Variants in EDA observed in about 807,000 individuals in gnomAD.
The protein encoded by EDA is ectodysplasin A, also known as ectodysplasin-A.
A neutral mutation model predicts 23.6 loss-of-function variants in EDA; 2 were observed. That is an observed-to-expected ratio of 0.08 (90% CI 0.03 to 0.27). The LOEUF (loss-of-function observed/expected upper bound fraction) is 0.27, where lower values mean the gene tolerates loss of function less well. EDA is among the 10% of genes least tolerant of loss of function. The pLI is 1.00. For missense variants in EDA, 229 were observed against 324.2 expected, an observed-to-expected ratio of 0.71 and a Z score of 2.26; for synonymous variants, 131 against 132.0, an observed-to-expected ratio of 0.99 and a Z score of 0.05.
rs754360005 is a variant in EDA at position 69,623,668 on chromosome X, CTT to C, written c.396+6976_396+6977del. On this transcript the variant is annotated intron_variant, in intron 1 of 7. Transcript: ENST00000374552. ...TCATTCTAGGTATTTTCTTTTTTTTCTTTTTTTTTTTTTGAGACAGTTGCATC... is the reference window on the plus strand; with the variant it reads ...TCATTCTAGGTATTTTCTTTTTTTTCTTTTTTTTTTTGAGACAGTTGCATC... 2.0e-4 allele frequency among the ~76,000 whole-genome samples: 19 copies of C among 96,625 alleles called. No individual in the cohort carries two copies. The South Asian group carries it at 5.6e-3, about 28-fold the overall frequency. 83.9% of individuals were successfully genotyped at this position (96,625 alleles called of 115,157 possible).
chrX:69,715,878 A>G (rs1411902983), intron 1 of EDA, among the ~76,000 whole-genome samples: 1 of 110,597 alleles, frequency 9.0e-6, no homozygotes, highest in East Asian at 2.8e-4. Context: ...GCATGTATAT[A>G]TTCTTTTGAA....
chrX:70,018,797 A>G (rs2019990158), intron 2 of EDA, among the ~76,000 whole-genome samples: 1 of 111,778 alleles, frequency 8.9e-6, no homozygotes, highest in Non-Finnish European at 1.9e-5. Flanking sequence ...TATGACAGAG[A>G]CATGAAAAGC....
At chrX:69,661,207 T>C (rs1328270271) in intron 1 of EDA, among the ~76,000 whole-genome samples, 1 of 107,438 alleles carries the variant, frequency 9.3e-6, no homozygotes, top group Non-Finnish European at 1.9e-5. Flanking sequence ...GATTTTTTCT[T>C]GTAAATTTGT....
rs774395317 is a variant in EDA, at chrX:69,825,425, G to C, written c.397-131602G>C. 1.7e-3 allele frequency among the ~76,000 whole-genome samples: 187 copies of C among 109,795 alleles called. 8 individuals are homozygous for C. Among genetic ancestry groups the C allele is most frequent in the Admixed American group, 0.016 (168 of 10,307 alleles). Reference sequence around the variant, plus strand: ...TTCAACTTCTTCCTGGTTTAGTCTTGGGAGAGTGTATGTGTCGAGGAATTT... The same window carrying C: ...TTCAACTTCTTCCTGGTTTAGTCTTCGGAGAGTGTATGTGTCGAGGAATTT... On this transcript the variant is annotated intron_variant, in intron 1 of 7. Transcript: ENST00000374552.
intron 1 of EDA, among the ~76,000 whole-genome samples, chrX:69,640,036 G>C (rs1285723558): frequency 9.0e-6 from 1 of 111,570 alleles, no homozygotes; most frequent in Non-Finnish European, 1.9e-5. Flanking sequence ...GAATGGTCTT[G>C]GTATCCTTGT....
chrX:69,727,921 C>T (rs763154797), intron 1 of EDA, among the ~76,000 whole-genome samples: 13 of 111,226 alleles, frequency 1.2e-4, no homozygotes, highest in Non-Finnish European at 2.3e-4. Context: ...GTACTATGTG[C>T]CAGGCCCTGT....
chrX:69,809,596 C>T (rs1231330686), intron 1 of EDA, among the ~76,000 whole-genome samples: 2 of 111,615 alleles, frequency 1.8e-5, no homozygotes, highest in Non-Finnish European at 1.9e-5. Flanking sequence ...TAAGGTGAGG[C>T]ATACCTGTTT....
rs775726646 is a variant in EDA, at chrX:69,768,877, T to G, written c.396+152173T>G. 7.1e-5 allele frequency among the ~76,000 whole-genome samples: 8 copies of G among 111,896 alleles called. No homozygotes were observed. In the East Asian group the frequency reaches 2.2e-3, roughly 31 times the overall value. ...CCAAAATATTGATTATGATATACGG[T>G]TTATTCATCATCATTCAGTTCACAA... On this transcript the variant is annotated intron_variant, in intron 1 of 7. Coordinates refer to ENST00000374552, the MANE Select transcript of EDA (RefSeq NM_001399.5).
chrX:69,700,447 T>C (rs2011503768), intron 1 of EDA, among the ~76,000 whole-genome samples: 1 of 111,568 alleles, frequency 9.0e-6, no homozygotes, highest in African/African-American at 3.3e-5. Flanking sequence ...GTGAAGTATA[T>C]GGGTTAGGAA....
intron 1 of EDA, among the ~76,000 whole-genome samples, chrX:69,693,901 A>G (rs1359692311): frequency 8.9e-6 from 1 of 112,180 alleles, no homozygotes; most frequent in East Asian, 2.8e-4. Context: ...ACATACTCAT[A>G]TCCCATTTAA....
chrX:69,887,474 A>G (rs977777809), intron 1 of EDA, among the ~76,000 whole-genome samples: 1 of 111,959 alleles, frequency 8.9e-6, no homozygotes, highest in African/African-American at 3.2e-5. Context: ...CATCATACAG[A>G]AGAATTAGCA....
intron 1 of EDA, among the ~76,000 whole-genome samples, chrX:69,763,971 C>A (rs1245235038): frequency 9.0e-6 from 1 of 110,635 alleles, no homozygotes; most frequent in Admixed American, 9.7e-5. Context: ...GGAGACTATG[C>A]TATAATAAAT....
At chrX:69,938,170 C>T (rs953886520) in intron 1 of EDA, among the ~76,000 whole-genome samples, 8 of 111,616 alleles carry the variant, frequency 7.2e-5, no homozygotes, top group African/African-American at 9.8e-5. Context: ...CAGCACCCGG[C>T]GGCAGTGGCA....
At chrX:69,737,200 G>T (rs1234572477) in intron 1 of EDA, among the ~76,000 whole-genome samples, 2 of 111,891 alleles carry the variant, frequency 1.8e-5, no homozygotes, top group African/African-American at 6.5e-5. Context: ...CACAATTTCT[G>T]GCTTTAAATT....
At chrX:69,726,896 A>C (rs908784386) in intron 1 of EDA, among the ~76,000 whole-genome samples, 1 of 112,231 alleles carries the variant, frequency 8.9e-6, no homozygotes, top group Non-Finnish European at 1.9e-5. Context: ...GTTACAATTA[A>C]TGCTCTTTTA....
intron 1 of EDA, among the ~76,000 whole-genome samples, chrX:69,835,196 G>T (rs867701138): frequency 3.0e-5 from 3 of 101,381 alleles, no homozygotes; most frequent in Admixed American, 1.0e-4. Flanking sequence ...GTGCCTTGGG[G>T]TTGCTCTTCT....
chrX:69,991,427 T>C (rs924181346), intron 2 of EDA, among the ~76,000 whole-genome samples: 11 of 111,162 alleles, frequency 9.9e-5, no homozygotes, highest in Non-Finnish European at 1.9e-4. Context: ...TGGCTCTACT[T>C]GAGCTCCTGC....
At chrX:69,681,978 C>T (rs7066939) in intron 1 of EDA, among the ~76,000 whole-genome samples, 1 of 105,652 alleles carries the variant, frequency 9.5e-6, no homozygotes, top group African/African-American at 3.4e-5. Context: ...CTTTGATGAT[C>T]GTGATGTACA....
intron 1 of EDA, among the ~76,000 whole-genome samples, chrX:69,657,525 G>A (rs1933356157): frequency 8.9e-6 from 1 of 111,808 alleles, no homozygotes; most frequent in South Asian, 3.7e-4. Context: ...TTGCTGTTGG[G>A]ATCTTCATCA....
Sources: gnomAD v4.1 joint callset for allele counts (sites outside exome capture counted in the v4.1 genomes callset) on GRCh38, gnomAD v4.1.1 for gene constraint, MANE v1.5 for transcripts, NCBI Gene and HGNC (gene_info 2026-07-23, HGNC 2026-07-21) for gene names.